Variants in AGL observed in about 807,000 individuals in gnomAD.
The protein encoded by AGL is glycogen debranching enzyme.
A neutral mutation model predicts 199.3 loss-of-function variants in AGL; 128 were observed. That is an observed-to-expected ratio of 0.64 (90% CI 0.56 to 0.74). The LOEUF (loss-of-function observed/expected upper bound fraction) is 0.74, where lower values mean the gene tolerates loss of function less well. Among genes scored for constraint, AGL ranks in the 30% least tolerant of loss-of-function variants. The probability of loss-of-function intolerance (pLI) is 0.00; values close to 1 mark genes in which losing one functional copy is unlikely to be tolerated. For synonymous variants in AGL, 584 were observed against 594.7 expected, an observed-to-expected ratio of 0.98 and a Z score of 0.26; for missense variants, 1,809 against 1,820.8, an observed-to-expected ratio of 0.99 and a Z score of 0.12.
At chr1:99,899,409 A>G (rs1221512043) in intron 25 of AGL, among the ~76,000 whole-genome samples, 2 of 152,166 alleles carry the variant, frequency 1.3e-5, no homozygotes, top group Admixed American at 6.5e-5. Flanking sequence ...CATTTGGTAT[A>G]TAATAGTAAA....
intron 25 of AGL, among the ~76,000 whole-genome samples, chr1:99,899,772 C>T (rs951354951): frequency 2.0e-5 from 3 of 152,020 alleles, no homozygotes; most frequent in African/African-American, 7.2e-5. Flanking sequence ...AGGTGCCTGC[C>T]ACTACGCCCG....
rs1005832191 is a variant in AGL at position 99,870,394 on chromosome 1, C to T, written c.665-6C>T. 6.2e-7 allele frequency: 1 copy of T among 1,613,040 alleles called. No individual in the cohort carries two copies. The highest frequency in any genetic ancestry group is 8.5e-7 in the Non-Finnish European group (1 of 1,179,376). ...GATACTCCTTTGTGTCTCCTTTTTCCTTCAGCTGCTAATAGTAAATGGATC... is the reference window on the plus strand; with the variant it reads ...GATACTCCTTTGTGTCTCCTTTTTCTTTCAGCTGCTAATAGTAAATGGATC... On this transcript the variant is annotated splice_region_variant and splice_polypyrimidine_tract_variant and intron_variant, in intron 5 of 33. Coordinates refer to ENST00000361915, the MANE Select transcript of AGL (RefSeq NM_000642.3).
intron 14 of AGL, 118 bp from the exon 15 acceptor site, chr1:99,880,958 A>G (rs1651965449): frequency 8.0e-7 from 1 of 1,242,384 alleles, no homozygotes; most frequent in Non-Finnish European, 1.2e-6. Flanking sequence ...GTTTAAAAGC[A>G]AATTAATTTA....
At chr1:99,887,936 C>A in intron 20 of AGL, 42 bp from the exon 21 acceptor site, 1 of 1,607,694 alleles carries the variant, frequency 6.2e-7, no homozygotes, top group Non-Finnish European at 8.5e-7. Flanking sequence ...TGACAACAAG[C>A]GAAACTTCAA....
chr1:99,920,740 A>C (rs1655459257), intron 33 of AGL, among the ~76,000 whole-genome samples: 1 of 152,218 alleles, frequency 6.6e-6, no homozygotes, highest in Non-Finnish European at 1.5e-5. Context: ...CTGAGATACA[A>C]ACCATAGTAA....
intron 5 of AGL, among the ~76,000 whole-genome samples, chr1:99,869,286 A>G (rs569574616): frequency 1.3e-5 from 2 of 152,280 alleles, no homozygotes; most frequent in South Asian, 4.2e-4. Flanking sequence ...TTTTATTACA[A>G]CTTCTCTGCT....
In AGL at chr1:99,922,290, A is replaced by G. The variant is rs1300418483; in HGVS notation, c.*639A>G. On this transcript the variant is annotated 3_prime_UTR_variant, in exon 34 of 34. Coordinates refer to ENST00000361915, the MANE Select transcript of AGL (RefSeq NM_000642.3). ...TATGTGAGGAAACATGCAAAGCATT[A>G]GGAAATTTATTTCCTAAAAACAGTT... The G allele has an allele frequency of 6.6e-6, 1 of 152,002 alleles. No homozygotes were observed. Among genetic ancestry groups the G allele is most frequent in the East Asian group, 1.9e-4 (1 of 5,194 alleles). 9.4% of individuals were successfully genotyped at this position (152,002 alleles called of 1,614,324 possible).
At chr1:99,855,384 G>A (rs777868791) in intron 2 of AGL, among the ~76,000 whole-genome samples, 3 of 151,936 alleles carry the variant, frequency 2.0e-5, no homozygotes, top group Admixed American at 6.6e-5. Flanking sequence ...ATTCCTCCTC[G>A]TTTTTAAGAC....
intron 33 of AGL, among the ~76,000 whole-genome samples, chr1:99,918,152 C>T (rs182400839): frequency 1.3e-5 from 2 of 152,260 alleles, no homozygotes; most frequent in East Asian, 1.9e-4. Flanking sequence ...AAGATATTTT[C>T]ACTATGTATA....
Position 99,869,358 on chromosome 1 carries a change from A to G in AGL, c.665-1042A>G, listed in dbSNP as rs572214614. ...GGGTATGAATAAATACTAAGTAAAT[A>G]AATGACTTACTAAATAAATGACTGA... On this transcript the variant is annotated intron_variant, in intron 5 of 33. Transcript: ENST00000361915. Among the ~76,000 whole-genome samples, 8 of 152,150 alleles carry G rather than the reference A, an allele frequency of 5.3e-5. No individual in the cohort carries two copies. The South Asian group carries it at 1.4e-3, about 28-fold the overall frequency.
At chr1:99,890,908 CT>C (rs1203820119) in intron 21 of AGL, among the ~76,000 whole-genome samples, 1 of 152,124 alleles carries the variant, frequency 6.6e-6, no homozygotes, top group Admixed American at 6.6e-5. Flanking sequence ...GCCAGTTACC[CT>C]TGAATATTAT....
At position 99,923,630 on chromosome 1, in the gene AGL, C is replaced by T. The variant is rs761726167; in HGVS notation, c.*1979C>T. On this transcript the variant is annotated 3_prime_UTR_variant, in exon 34 of 34. Transcript: ENST00000361915. ...TGGTATATTTTAAAGTTTAAGAAGG[C>T]ATGTTAAACATTATTTCCTCTATGG... 6.6e-6 allele frequency: 1 copy of T among 152,054 alleles called. No individual in the cohort carries two copies. The highest frequency in any genetic ancestry group is 1.5e-5 in the Non-Finnish European group (1 of 68,008). The allele number at this position is 152,054 out of a possible 1,614,324, so 9.4% of individuals were successfully genotyped here.
Position 99,881,711 on chromosome 1 carries a change from G to A in AGL, c.2308+20G>A, listed in dbSNP as rs1006868804. 34 of 1,603,368 alleles carry A rather than the reference G, an allele frequency of 2.1e-5. No homozygotes were observed. The highest frequency in any genetic ancestry group is 3.3e-4 in the Middle Eastern group (2 of 6,064). On this transcript the variant is annotated intron_variant, in intron 17 of 33. Transcript: ENST00000361915. ...TCCCTGGTAATGCAATCTAAAAATT[G>A]TTACTGTATTTGTATTATATTATTA...
rs1264311873 is a variant in AGL at position 99,922,601 on chromosome 1, G to C, written c.*950G>C. On this transcript the variant is annotated 3_prime_UTR_variant, in exon 34 of 34. Coordinates refer to ENST00000361915, the MANE Select transcript of AGL (RefSeq NM_000642.3). ...TATCTTAAATTCAATAAAATCACTG[G>C]AAGTTTTTCATGATAACTTATTTTA... The C allele has an allele frequency of 6.6e-6, 1 of 151,572 alleles. No homozygotes were observed. The highest frequency in any genetic ancestry group is 6.6e-5 in the Admixed American group (1 of 15,206). 9.4% of individuals were successfully genotyped at this position (151,572 alleles called of 1,614,324 possible). A position where few individuals can be genotyped will look rare whatever the true frequency, so the allele number is the denominator to read the frequency against.
intron 8 of AGL, 87 bp downstream of exon 8, chr1:99,874,897 C>T (rs553496151): frequency 4.2e-5 from 60 of 1,441,756 alleles, no homozygotes; most frequent in Admixed American, 5.4e-5. Context: ...TTATTAAAAA[C>T]GCTTAATAGA....
At chr1:99,882,064 A>G (rs1158411567) in intron 17 of AGL, among the ~76,000 whole-genome samples, 2 of 151,706 alleles carry the variant, frequency 1.3e-5, no homozygotes, top group East Asian at 3.9e-4. Flanking sequence ...GCTTGAGCCC[A>G]GCAGGCAGTG....
chr1:99,880,532 G>C, intron 13 of AGL, 100 bp from the exon 14 acceptor site: 1 of 1,313,374 alleles, frequency 7.6e-7, no homozygotes, highest in Admixed American at 1.7e-5. Context: ...TTATAATATT[G>C]ATGTGGTCTT....
intron 7 of AGL, among the ~76,000 whole-genome samples, chr1:99,871,371 G>A (rs1650988638): frequency 6.7e-6 from 1 of 149,844 alleles, no homozygotes; most frequent in African/African-American, 2.4e-5. Context: ...AACGAAGTGA[G>A]TCTTCTATTA....
intron 27 of AGL, among the ~76,000 whole-genome samples, chr1:99,903,581 T>C (rs1654020245): frequency 6.6e-6 from 1 of 152,254 alleles, no homozygotes; most frequent in Non-Finnish European, 1.5e-5. Context: ...TTGTGAATAC[T>C]GCTGCAATGA....
Sources: gnomAD v4.1 joint callset for allele counts (sites outside exome capture counted in the v4.1 genomes callset) on GRCh38, gnomAD v4.1.1 for gene constraint, MANE v1.5 for transcripts, NCBI Gene and HGNC (gene_info 2026-07-23, HGNC 2026-07-21) for gene names.